Variants in PPP2R2B observed in about 807,000 individuals in gnomAD.
PPP2R2B encodes the protein protein phosphatase 2 regulatory subunit Bbeta.
Under a neutral mutation model 46.0 loss-of-function variants are expected in PPP2R2B, and 5 were observed. The observed-to-expected ratio is 0.11, with a 90% confidence interval of 0.06 to 0.23. PPP2R2B has a LOEUF of 0.23. Ranked by LOEUF, PPP2R2B falls within the 10% of genes least tolerant of loss-of-function variation. PPP2R2B has a pLI of 1.00. For missense variants in PPP2R2B, 367 were observed against 575.0 expected (o/e 0.64, Z 3.70); for synonymous variants, 215 against 206.7 (o/e 1.04, Z -0.34).
chr5:146,762,660 A>G (rs530794357), intron 2 of PPP2R2B, among the ~76,000 whole-genome samples: 1 of 152,364 alleles, frequency 6.6e-6, no homozygotes, highest in South Asian at 2.1e-4. Context: ...AACTTGAAGT[A>G]CAGTCTGTGC....
At chr5:146,785,389 A>C (rs1480200441) in intron 2 of PPP2R2B, among the ~76,000 whole-genome samples, 3 of 152,120 alleles carry the variant, frequency 2.0e-5, no homozygotes, top group East Asian at 3.9e-4. Context: ...TCTACAAAAA[A>C]ATACAAAAAT....
intron 2 of PPP2R2B, among the ~76,000 whole-genome samples, chr5:146,768,989 T>C (rs570307672): frequency 6.6e-6 from 1 of 152,140 alleles, no homozygotes; most frequent in South Asian, 2.1e-4. Flanking sequence ...GTGATTCTCC[T>C]GCCTCAGCCT....
At chr5:146,774,610 A>G (rs1755061549) in intron 2 of PPP2R2B, among the ~76,000 whole-genome samples, 1 of 152,120 alleles carries the variant, frequency 6.6e-6, no homozygotes. Context: ...TGAGGTCTGG[A>G]GTTCGAGACC....
At chr5:146,844,342 T>G (rs2151375256) in intron 2 of PPP2R2B, among the ~76,000 whole-genome samples, 1 of 140,988 alleles carries the variant, frequency 7.1e-6, no homozygotes, top group East Asian at 2.1e-4. Context: ...ACCCTAAAAC[T>G]TAGAGTATAA....
chr5:146,777,858 T>C lies in PPP2R2B; in HGVS notation c.71-76716A>G, dbSNP rs76223143. On this transcript the variant is annotated intron_variant, in intron 2 of 9. Transcript: ENST00000394411. ...TGTTTGTATCAGTTCTACCTAAACA[T>C]ATTAATCCATGTCTATAAATGTTTA... 1.7e-3 allele frequency among the ~76,000 whole-genome samples: 264 copies of C among 152,284 alleles called. 7 individuals are homozygous for C. The East Asian group carries it at 0.049, about 28-fold the overall frequency.
chr5:146,959,742 T>C (rs1437282318), intron 1 of PPP2R2B, among the ~76,000 whole-genome samples: 1 of 151,976 alleles, frequency 6.6e-6, no homozygotes, highest in East Asian at 1.9e-4. Flanking sequence ...AACAGACAAA[T>C]AGACAAGAGC....
chr5:146,899,905 G>A (rs1482030204), intron 1 of PPP2R2B, among the ~76,000 whole-genome samples: 7 of 152,144 alleles, frequency 4.6e-5, no homozygotes, highest in Non-Finnish European at 1.0e-4. Flanking sequence ...ATACAAAGAA[G>A]ATCCTAAAAG....
At chr5:147,022,651 T>C (rs1478150998) in intron 1 of PPP2R2B, among the ~76,000 whole-genome samples, 1 of 152,016 alleles carries the variant, frequency 6.6e-6, no homozygotes, top group Non-Finnish European at 1.5e-5. Flanking sequence ...AAAATTTTTC[T>C]AAGGAACATC....
At chr5:146,815,990 A>G (rs1006487568) in intron 2 of PPP2R2B, among the ~76,000 whole-genome samples, 1 of 152,212 alleles carries the variant, frequency 6.6e-6, no homozygotes, top group Non-Finnish European at 1.5e-5. Context: ...CCACTCCTCC[A>G]ACCTAAGTCT....
intron 2 of PPP2R2B, among the ~76,000 whole-genome samples, chr5:146,746,338 A>G (rs1010572725): frequency 4.0e-5 from 6 of 151,798 alleles, no homozygotes; most frequent in African/African-American, 1.5e-4. Flanking sequence ...ATGACACAAC[A>G]TCTGTATTAA....
At chr5:147,022,182 A>G (rs544208249) in intron 1 of PPP2R2B, among the ~76,000 whole-genome samples, 9 of 152,308 alleles carry the variant, frequency 5.9e-5, no homozygotes, top group Admixed American at 3.9e-4. Context: ...GTAGGAAACT[A>G]TCAAGTCATT....
intron 1 of PPP2R2B, among the ~76,000 whole-genome samples, chr5:146,911,245 G>C (rs1478909857): frequency 3.3e-5 from 5 of 151,968 alleles, no homozygotes. Flanking sequence ...CACCATGTCC[G>C]GCTAATTTTT....
intron 2 of PPP2R2B, among the ~76,000 whole-genome samples, chr5:146,804,039 T>C (rs1757026277): frequency 6.6e-6 from 1 of 151,952 alleles, no homozygotes; most frequent in Admixed American, 6.5e-5. Flanking sequence ...TGGTGGCCAG[T>C]GCCTGTAGTC....
chr5:146,780,530 A>G (rs1049778544), intron 2 of PPP2R2B, among the ~76,000 whole-genome samples: 3 of 152,186 alleles, frequency 2.0e-5, no homozygotes, highest in Non-Finnish European at 2.9e-5. Context: ...GTCAAGCCCA[A>G]ACTCTAAGTA....
chr5:146,932,308 T>G lies in PPP2R2B; in HGVS notation c.79+123357A>C, dbSNP rs1763994252. Among the ~76,000 whole-genome samples, 4 of 152,138 alleles carry G rather than the reference T, an allele frequency of 2.6e-5. No individual in the cohort carries two copies. In the South Asian group the frequency reaches 8.3e-4, roughly 32 times the overall value. On this transcript the variant is annotated intron_variant, in intron 1 of 8. Coordinates refer to the PPP2R2B transcript ENST00000336640. ...TACCAAAGATATTAAATTGATATGG[T>G]TTGGCTGTGTCCCCACCCAAATCTC...
chr5:146,858,686 T>C (rs1441687822), intron 2 of PPP2R2B, among the ~76,000 whole-genome samples: 1 of 152,182 alleles, frequency 6.6e-6, no homozygotes, highest in African/African-American at 2.4e-5. Flanking sequence ...ACCTATTTTC[T>C]TGCTCATTCC....
intron 2 of PPP2R2B, among the ~76,000 whole-genome samples, chr5:146,825,037 T>G (rs1758489766): frequency 6.6e-6 from 1 of 152,208 alleles, no homozygotes; most frequent in South Asian, 2.1e-4. Context: ...AATCAATAAT[T>G]TTAAATGTTT....
At chr5:146,635,243 C>A (rs190045467) in intron 7 of PPP2R2B, among the ~76,000 whole-genome samples, 98 of 152,026 alleles carry the variant, frequency 6.4e-4, no homozygotes, top group Non-Finnish European at 1.3e-3. Context: ...AGTTCTGATT[C>A]CAAAGCATCT....
At chr5:146,642,271 C>T (rs144438853) in intron 6 of PPP2R2B, among the ~76,000 whole-genome samples, 28 of 152,276 alleles carry the variant, frequency 1.8e-4, no homozygotes, top group African/African-American at 6.7e-4. Flanking sequence ...GAGGTCACTC[C>T]TTAAGGGATC....
Sources: allele counts gnomAD v4.1 joint callset (sites outside exome capture counted in the v4.1 genomes callset), GRCh38; gene constraint gnomAD v4.1.1; transcripts MANE v1.5; gene names NCBI Gene and HGNC (gene_info 2026-07-23, HGNC 2026-07-21).